The following DCHS2 variants were observed in gnomAD, a reference collection of about 807,000 sequenced individuals.
The protein encoded by DCHS2 is protocadherin-23.
DCHS2 carries 142 observed loss-of-function variants against 182.4 expected under a neutral mutation model. That is an observed-to-expected ratio of 0.78 (90% CI 0.68 to 0.89). DCHS2 has a LOEUF of 0.89. Ranked by LOEUF, DCHS2 falls within the 40% of genes least tolerant of loss-of-function variation. DCHS2 has a pLI of 0.00. For missense variants in DCHS2, 4,319 were observed against 4,198.6 expected, an observed-to-expected ratio of 1.03 and a Z score of -0.79; for synonymous variants, 1,740 against 1,663.3, an observed-to-expected ratio of 1.05 and a Z score of -1.12.
intron 1 of DCHS2, among the ~76,000 whole-genome samples, chr4:154,400,674 T>C (rs1732135302): frequency 6.6e-6 from 1 of 152,178 alleles, no homozygotes; most frequent in African/African-American, 2.4e-5. Context: ...TTCAAACAAA[T>C]AAAACTTCCT....
intron 1 of DCHS2, among the ~76,000 whole-genome samples, chr4:154,431,685 G>A (rs1206953763): frequency 2.0e-5 from 3 of 152,140 alleles, no homozygotes; most frequent in Non-Finnish European, 2.9e-5. Context: ...TGTCCCATGA[G>A]GACATAGGGA....
In DCHS2 at chr4:154,369,716, T is replaced by G. The variant is rs749494306; in HGVS notation, c.2245-3275A>C. 1.6e-3 allele frequency among the ~76,000 whole-genome samples: 239 copies of G among 152,140 alleles called. 2 individuals are homozygous for G. Among genetic ancestry groups the G allele is most frequent in the Non-Finnish European group, 1.5e-3 (105 of 68,028 alleles). On this transcript the variant is annotated intron_variant, in intron 2 of 19. Transcript: ENST00000357232. ...ATAAATTCCATGCATGAGTATGTCT[T>G]AATTTTGTCTTATCATTTCTTTTTC...
intron 1 of DCHS2, among the ~76,000 whole-genome samples, chr4:154,468,322 T>C (rs1735321177): frequency 6.6e-6 from 1 of 152,154 alleles, no homozygotes; most frequent in African/African-American, 2.4e-5. Flanking sequence ...CATATATGAT[T>C]ACACATAGAA....
intron 1 of DCHS2, among the ~76,000 whole-genome samples, chr4:154,388,749 C>T (rs1472897730): frequency 6.6e-6 from 1 of 152,166 alleles, no homozygotes; most frequent in African/African-American, 2.4e-5. Context: ...CCGCCTCGGC[C>T]TCCCAAAGTG....
intron 10 of DCHS2, among the ~76,000 whole-genome samples, chr4:154,308,259 AAAAAAAC>A (rs1397799095): frequency 8.6e-5 from 13 of 152,040 alleles, no homozygotes; most frequent in East Asian, 1.9e-4. Context: ...AATTTAAAAA[AAAAAAAC>A]AAAAAACAAA....
intron 13 of DCHS2, among the ~76,000 whole-genome samples, chr4:154,291,601 T>G (rs547768457): frequency 6.6e-6 from 1 of 151,996 alleles, no homozygotes; most frequent in East Asian, 1.9e-4. Flanking sequence ...CACAATAGAG[T>G]AGCATCCGGC....
chr4:154,409,226 G>A (rs1391245501), intron 1 of DCHS2, among the ~76,000 whole-genome samples: 2 of 152,076 alleles, frequency 1.3e-5, no homozygotes, highest in Non-Finnish European at 2.9e-5. Flanking sequence ...TGTTGCCCCT[G>A]CCTCCCAGGG....
chr4:154,323,333 C>T (rs62331875), intron 7 of DCHS2: 4 of 1,485,130 alleles, frequency 2.7e-6, no homozygotes, highest in East Asian at 2.6e-5. Flanking sequence ...GGTCTAGCTG[C>T]CAAAAAAAAA....
chr4:154,482,085 T>C (rs1735943285), intron 1 of DCHS2, among the ~76,000 whole-genome samples: 1 of 152,178 alleles, frequency 6.6e-6, no homozygotes, highest in African/African-American at 2.4e-5. Flanking sequence ...AGACACGGTG[T>C]CTTACTGTAC....
rs1735055280 is a variant in DCHS2, at chr4:154,298,469, C to G, written c.5845G>C (p.Gly1949Arg). The part of the protein sequence containing the change: ...QSSVREDAEV[G>R]TVVLVLSAVD... ...GCTGAAAGCACAAGAACCACTGTTCCCACTTCAGCATCTTCTCTCACAGAG... is the reference window on the plus strand; with the variant it reads ...GCTGAAAGCACAAGAACCACTGTTCGCACTTCAGCATCTTCTCTCACAGAG... Residue 1949 changes from glycine to arginine, a missense_variant, in exon 13 of 20, where the codon GGA (glycine) becomes CGA (arginine). Transcript: ENST00000357232. 1.9e-6 allele frequency: 3 copies of G among 1,614,134 alleles called. No individual in the cohort carries two copies. Among genetic ancestry groups the G allele is most frequent in the Non-Finnish European group, 2.5e-6 (3 of 1,179,998 alleles).
At chr4:154,446,338 C>T (rs888780797) in intron 1 of DCHS2, among the ~76,000 whole-genome samples, 2 of 152,150 alleles carry the variant, frequency 1.3e-5, no homozygotes, top group Non-Finnish European at 2.9e-5. Context: ...GTTAAATATA[C>T]ACTAAAGTTA....
intron 19 of DCHS2, chr4:154,237,496 A>G (rs905941777): frequency 2.6e-5 from 5 of 190,286 alleles, no homozygotes; most frequent in African/African-American, 9.5e-5. Flanking sequence ...TTTATACCCC[A>G]TTCTACTACC....
rs1044925731 is a variant in DCHS2, at chr4:154,254,371, C to T, written c.6941+1148G>A. 3.9e-5 allele frequency among the ~76,000 whole-genome samples: 6 copies of T among 152,286 alleles called. No homozygotes were observed. The South Asian group carries it at 1.0e-3, about 26-fold the overall frequency. On this transcript the variant is annotated intron_variant, in intron 16 of 19. Coordinates refer to ENST00000357232, the MANE Select transcript of DCHS2 (RefSeq NM_001358235.2). ...ATGCTGGATAAGCATGGTAGTGGGT[C>T]TCGTTACTGCCTTCACTTAGTCACA...
intron 12 of DCHS2, among the ~76,000 whole-genome samples, chr4:154,302,969 CCACA>C (rs1450144923): frequency 4.6e-5 from 1 of 21,570 alleles, no homozygotes; most frequent in South Asian, 1.8e-3. Flanking sequence ...ACACACACAC[CCACA>C]CACACACATA....
At chr4:154,317,114 A>T (rs1315808880) in intron 9 of DCHS2, among the ~76,000 whole-genome samples, 2 of 152,250 alleles carry the variant, frequency 1.3e-5, no homozygotes, top group Non-Finnish European at 2.9e-5. Flanking sequence ...TATAAGAAAT[A>T]TGAGTTTTGT....
At chr4:154,393,447 T>C (rs923967089) in intron 1 of DCHS2, among the ~76,000 whole-genome samples, 12 of 152,208 alleles carry the variant, frequency 7.9e-5, no homozygotes, top group Non-Finnish European at 1.5e-4. Flanking sequence ...AGATATAAAG[T>C]GATTCTTTTA....
chr4:154,288,159 A>G (rs546656414), intron 13 of DCHS2, among the ~76,000 whole-genome samples: 1 of 152,266 alleles, frequency 6.6e-6, no homozygotes, highest in African/African-American at 2.4e-5. Flanking sequence ...AGAAGACACA[A>G]TGGTCTTTTG....
intron 2 of DCHS2, among the ~76,000 whole-genome samples, chr4:154,376,828 T>C (rs962784858): frequency 2.6e-5 from 4 of 152,138 alleles, no homozygotes; most frequent in Non-Finnish European, 5.9e-5. Context: ...AATGACTTGG[T>C]TTTTTAAAAA....
intron 13 of DCHS2, among the ~76,000 whole-genome samples, chr4:154,287,567 G>A (rs951233219): frequency 7.9e-5 from 12 of 152,184 alleles, no homozygotes; most frequent in African/African-American, 1.9e-4. Flanking sequence ...TGCAAACTCC[G>A]CCTCCCAGAT....
Sources: gnomAD v4.1 joint callset for allele counts (sites outside exome capture counted in the v4.1 genomes callset) on GRCh38, gnomAD v4.1.1 for gene constraint, MANE v1.5 for transcripts, NCBI Gene and HGNC (gene_info 2026-07-23, HGNC 2026-07-21) for gene names.